Variants in DOCK5 observed in about 807,000 individuals in gnomAD.
The protein encoded by DOCK5 is dedicator of cytokinesis protein 5.
Under a neutral mutation model 251.8 loss-of-function variants are expected in DOCK5, and 142 were observed. That is an observed-to-expected ratio of 0.56 (90% CI 0.49 to 0.65). DOCK5 has a LOEUF of 0.65. Among genes scored for constraint, DOCK5 ranks in the 30% least tolerant of loss-of-function variants. The pLI, the probability that DOCK5 is intolerant of heterozygous loss-of-function variation, is 0.00. For missense variants in DOCK5, 2,111 were observed against 2,312.3 expected, an observed-to-expected ratio of 0.91 and a Z score of 1.79; for synonymous variants, 842 against 835.5, an observed-to-expected ratio of 1.01 and a Z score of -0.13.
intron 1 of DOCK5, among the ~76,000 whole-genome samples, chr8:25,214,205 C>T (rs1802171416): frequency 2.0e-5 from 3 of 152,156 alleles, no homozygotes; most frequent in African/African-American, 7.2e-5. Context: ...TAGGGATGCT[C>T]AGCCCTTAGC....
chr8:25,235,271 C>A (rs533934571), intron 1 of DOCK5, among the ~76,000 whole-genome samples: 5 of 152,220 alleles, frequency 3.3e-5, no homozygotes, highest in South Asian at 4.1e-4. Flanking sequence ...CTTGCTCTGT[C>A]GCCTACGTAG....
intron 31 of DOCK5, 66 bp from the exon 32 acceptor site, chr8:25,368,126 C>T (rs1800811004): frequency 8.6e-6 from 11 of 1,275,608 alleles, no homozygotes; most frequent in Non-Finnish European, 1.2e-5. Context: ...TACTTTCCTT[C>T]TTATTGTGTT....
At chr8:25,269,606 A>G (rs1251760202) in intron 3 of DOCK5, among the ~76,000 whole-genome samples, 1 of 152,226 alleles carries the variant, frequency 6.6e-6, no homozygotes, top group Non-Finnish European at 1.5e-5. Context: ...CAGTGCCAAA[A>G]CTACTAATCG....
At chr8:25,258,507 C>G (rs991966841) in intron 2 of DOCK5, among the ~76,000 whole-genome samples, 1 of 152,166 alleles carries the variant, frequency 6.6e-6, no homozygotes, top group Non-Finnish European at 1.5e-5. Flanking sequence ...TGGTGTCACA[C>G]AAGCTCTCTT....
At chr8:25,354,058 A>C (rs986323445) in intron 27 of DOCK5, among the ~76,000 whole-genome samples, 10 of 134,242 alleles carry the variant, frequency 7.4e-5, no homozygotes, top group African/African-American at 2.6e-4. Context: ...ACAAACAAAA[A>C]AAAAAACGTA....
chr8:25,404,081 T>C (rs1462867215), intron 48 of DOCK5, among the ~76,000 whole-genome samples: 1 of 152,132 alleles, frequency 6.6e-6, no homozygotes, highest in African/African-American at 2.4e-5. Flanking sequence ...CTCCCTTTAA[T>C]CTGAGACTTC....
At chr8:25,303,017 G>A (rs778639311) in intron 10 of DOCK5, among the ~76,000 whole-genome samples, 8 of 152,178 alleles carry the variant, frequency 5.3e-5, no homozygotes, top group East Asian at 1.9e-4. Context: ...GTGAATACAC[G>A]TAATGCCACT....
intron 18 of DOCK5, among the ~76,000 whole-genome samples, chr8:25,327,788 A>G (rs1313882890): frequency 6.6e-6 from 1 of 152,194 alleles, no homozygotes; most frequent in African/African-American, 2.4e-5. Flanking sequence ...TCAATTAGAC[A>G]AGAGGGATAA....
At chr8:25,343,138 A>G (rs1010142194) in intron 25 of DOCK5, among the ~76,000 whole-genome samples, 3 of 151,150 alleles carry the variant, frequency 2.0e-5, no homozygotes, top group African/African-American at 7.3e-5. Flanking sequence ...AGCTGGGATT[A>G]CAGGTGTACA....
chr8:25,362,689 C>T (rs924512951), intron 28 of DOCK5, among the ~76,000 whole-genome samples: 1 of 151,886 alleles, frequency 6.6e-6, no homozygotes, highest in Non-Finnish European at 1.5e-5. Flanking sequence ...CTGCCCACCT[C>T]GGCCTCCCAA....
At chr8:25,280,705 T>C (rs1241124846) in intron 5 of DOCK5, among the ~76,000 whole-genome samples, 1 of 152,202 alleles carries the variant, frequency 6.6e-6, no homozygotes, top group Non-Finnish European at 1.5e-5. Context: ...TTTGATCTCT[T>C]TATGTTTAGT....
At chr8:25,280,320 A>AT (rs1804158349) in intron 5 of DOCK5, among the ~76,000 whole-genome samples, 3 of 152,284 alleles carry the variant, frequency 2.0e-5, no homozygotes, top group Admixed American at 2.0e-4. Flanking sequence ...GTGTTGATTC[A>AT]TTTTAACTCT....
chr8:25,233,626 G>C (rs894051276), intron 1 of DOCK5, among the ~76,000 whole-genome samples: 3 of 152,308 alleles, frequency 2.0e-5, no homozygotes, highest in Admixed American at 2.0e-4. Context: ...TTGCCCTAGA[G>C]TCCAGGATGG....
chr8:25,287,035 C>A (rs994449482), intron 5 of DOCK5, among the ~76,000 whole-genome samples: 4 of 152,138 alleles, frequency 2.6e-5, no homozygotes, highest in Non-Finnish European at 4.4e-5. Context: ...TTTCTAATAC[C>A]CATTGCAGCT....
At chr8:25,322,278 A>G (rs2117202235) in intron 16 of DOCK5, among the ~76,000 whole-genome samples, 1 of 152,348 alleles carries the variant, frequency 6.6e-6, no homozygotes, top group Admixed American at 6.5e-5. Flanking sequence ...TATGATATGT[A>G]CATTACAAGG....
intron 27 of DOCK5, among the ~76,000 whole-genome samples, chr8:25,355,786 G>A (rs1346088318): frequency 6.6e-6 from 1 of 152,008 alleles, no homozygotes; most frequent in Non-Finnish European, 1.5e-5. Flanking sequence ...TTTAATGCCT[G>A]TTCTTTAACA....
chr8:25,185,427 T>C (rs1384807764), intron 1 of DOCK5, among the ~76,000 whole-genome samples: 1 of 152,078 alleles, frequency 6.6e-6, no homozygotes, highest in East Asian at 1.9e-4. Context: ...AGTGAGGAGT[T>C]GAGGGTGGAA....
intron 1 of DOCK5, among the ~76,000 whole-genome samples, chr8:25,197,563 T>TCGTG (rs1801759785): frequency 1.4e-5 from 1 of 70,012 alleles, no homozygotes. Context: ...TCTTTAAGGA[T>TCGTG]CGTGTCTTTG....
At chr8:25,348,699 G>T (rs954176518) in intron 26 of DOCK5, among the ~76,000 whole-genome samples, 1 of 152,000 alleles carries the variant, frequency 6.6e-6, no homozygotes, top group Non-Finnish European at 1.5e-5. Context: ...TTAGCTGGGC[G>T]TGGTGGTGCG....
Sources: gnomAD v4.1 joint callset for allele counts (sites outside exome capture counted in the v4.1 genomes callset) on GRCh38, gnomAD v4.1.1 for gene constraint, MANE v1.5 for transcripts, NCBI Gene and HGNC (gene_info 2026-07-23, HGNC 2026-07-21) for gene names.